Variants in ABCD3 observed in about 807,000 individuals in gnomAD.
ABCD3 encodes ATP-binding cassette sub-family D member 3.
ABCD3 carries 41 observed loss-of-function variants against 105.5 expected under a neutral mutation model. That is an observed-to-expected ratio of 0.39 (90% confidence interval 0.30 to 0.50). The LOEUF is 0.50. ABCD3 is among the 20% of genes least tolerant of loss of function. The pLI is 0.84. For synonymous variants in ABCD3, 258 were observed against 269.0 expected, an observed-to-expected ratio of 0.96 and a Z score of 0.40; for missense variants, 622 against 806.3, an observed-to-expected ratio of 0.77 and a Z score of 2.77.
At chr1:94,476,642 G>A (rs940315054) in intron 7 of ABCD3, among the ~76,000 whole-genome samples, 1 of 152,154 alleles carries the variant, frequency 6.6e-6, no homozygotes, top group African/African-American at 2.4e-5. Context: ...GAATAGGAAT[G>A]TTCTTGCTTC....
At chr1:94,487,300 T>C (rs1292641995) in intron 10 of ABCD3, among the ~76,000 whole-genome samples, 1 of 152,232 alleles carries the variant, frequency 6.6e-6, no homozygotes, top group African/African-American at 2.4e-5. Context: ...TAAAATTGTT[T>C]ATGTAATTTC....
At chr1:94,465,701 G>A (rs1648101781) in intron 3 of ABCD3, among the ~76,000 whole-genome samples, 1 of 152,192 alleles carries the variant, frequency 6.6e-6, no homozygotes, top group African/African-American at 2.4e-5. Flanking sequence ...GGATTCATCA[G>A]TTATTTCATT....
intron 4 of ABCD3, among the ~76,000 whole-genome samples, chr1:94,471,728 T>G (rs1158959962): frequency 6.6e-6 from 1 of 152,188 alleles, no homozygotes; most frequent in African/African-American, 2.4e-5. Context: ...TATCTCCATC[T>G]CAGTATTTAA....
intron 20 of ABCD3, among the ~76,000 whole-genome samples, chr1:94,501,887 T>TC (rs397827226): frequency 3.3e-5 from 5 of 151,730 alleles, no homozygotes; most frequent in African/African-American, 4.8e-5. Context: ...TTTTTTTTTT[T>TC]ACCTTAAATT....
At chr1:94,440,757 G>C (rs555299683) in intron 1 of ABCD3, among the ~76,000 whole-genome samples, 5 of 152,210 alleles carry the variant, frequency 3.3e-5, no homozygotes, top group Non-Finnish European at 7.4e-5. Context: ...TTGTCATCTA[G>C]TTTTCTAGTT....
chr1:94,410,454 C>G, the ABCD3 span, among the ~76,000 whole-genome samples: 1 of 152,184 alleles, frequency 6.6e-6, no homozygotes, highest in Non-Finnish European at 1.5e-5. Flanking sequence ...CTCCCCTTCT[C>G]TTTTCCCATT....
At chr1:94,448,010 C>CA (rs376944396) in intron 1 of ABCD3, among the ~76,000 whole-genome samples, 36 of 152,286 alleles carry the variant, frequency 2.4e-4, no homozygotes, top group African/African-American at 8.7e-4. Flanking sequence ...TTCAGCTAAT[C>CA]AAAAGCAAGT....
chr1:94,507,086 C>A (rs1397312718), intron 21 of ABCD3, among the ~76,000 whole-genome samples: 1 of 151,956 alleles, frequency 6.6e-6, no homozygotes, highest in Non-Finnish European at 1.5e-5. Context: ...GTGCGCTGCA[C>A]CCACTAACTC....
chr1:94,487,474 T>G (rs1649329292), intron 10 of ABCD3, 68 bp from the exon 11 acceptor site: 1 of 1,372,348 alleles, frequency 7.3e-7, no homozygotes, highest in African/African-American at 1.4e-5. Flanking sequence ...CAGTTTGTTT[T>G]ATCCTTATAG....
At chr1:94,438,854 A>C (rs1390509687) in intron 1 of ABCD3, among the ~76,000 whole-genome samples, 1 of 152,208 alleles carries the variant, frequency 6.6e-6, no homozygotes, top group African/African-American at 2.4e-5. Flanking sequence ...TTCTATGTGC[A>C]CTGGGAAACC....
At chr1:94,448,698 G>C (rs1313008515) in intron 1 of ABCD3, among the ~76,000 whole-genome samples, 1 of 152,164 alleles carries the variant, frequency 6.6e-6, no homozygotes, top group Non-Finnish European at 1.5e-5. Flanking sequence ...GCAGTGTTTT[G>C]CGGTGATGGG....
intron 1 of ABCD3, among the ~76,000 whole-genome samples, chr1:94,423,453 T>C (rs1030331149): frequency 2.0e-5 from 3 of 152,184 alleles, no homozygotes; most frequent in African/African-American, 7.2e-5. Flanking sequence ...AGGGAGCTTG[T>C]GTTTCTTTTA....
chr1:94,481,177 A>G (rs1012159927), intron 9 of ABCD3, among the ~76,000 whole-genome samples: 4 of 152,202 alleles, frequency 2.6e-5, no homozygotes, highest in Non-Finnish European at 4.4e-5. Flanking sequence ...TAGGGTTGCA[A>G]TGAGGATTAA....
chr1:94,420,164 G>T (rs1659204095), intron 1 of ABCD3, among the ~76,000 whole-genome samples: 1 of 152,096 alleles, frequency 6.6e-6, no homozygotes, highest in Non-Finnish European at 1.5e-5. Flanking sequence ...AGTACACATA[G>T]AGCTTGAAGA....
At chr1:94,426,917 A>C (rs1026985507) in intron 1 of ABCD3, among the ~76,000 whole-genome samples, 2 of 143,382 alleles carry the variant, frequency 1.4e-5, no homozygotes, top group Admixed American at 7.1e-5. Context: ...TGGGCACATT[A>C]CTTCTTCCCT....
chr1:94,404,868 G>C, the ABCD3 span, among the ~76,000 whole-genome samples: 1 of 150,992 alleles, frequency 6.6e-6, no homozygotes, highest in African/African-American at 2.4e-5. Context: ...CCTATTTTGA[G>C]GCGGAGGTTG....
At chr1:94,481,416 G>A (rs1649022355) in intron 9 of ABCD3, 1 of 152,226 alleles carries the variant, frequency 6.6e-6, no homozygotes, top group East Asian at 1.9e-4. Flanking sequence ...TAGGGAGGCA[G>A]CGGAATAGAG....
chr1:94,435,011 C>A (rs1010370098), intron 1 of ABCD3, among the ~76,000 whole-genome samples: 1 of 151,914 alleles, frequency 6.6e-6, no homozygotes, highest in South Asian at 2.1e-4. Context: ...ACCTACATAT[C>A]CCCCTGCCAC....
At chr1:94,406,094 T>C in the ABCD3 span, among the ~76,000 whole-genome samples, 1 of 152,128 alleles carries the variant, frequency 6.6e-6, no homozygotes, top group Non-Finnish European at 1.5e-5. Flanking sequence ...GTGGAGTTTA[T>C]TCCTGTGTAT....
Sources: allele counts gnomAD v4.1 joint callset (sites outside exome capture counted in the v4.1 genomes callset), GRCh38; gene constraint gnomAD v4.1.1; transcripts MANE v1.5; gene names NCBI Gene and HGNC (gene_info 2026-07-23, HGNC 2026-07-21).